DNAH14: variants seen among roughly 807,000 people sequenced by gnomAD.
DNAH14 encodes axonemal beta dynein heavy chain 14.
In DNAH14, 478 loss-of-function variants were observed where a neutral mutation model predicts 520.9. The observed-to-expected ratio is 0.92, with a 90% confidence interval of 0.85 to 0.99. DNAH14 has a LOEUF of 0.99. Among genes scored for constraint, DNAH14 ranks in the 50% least tolerant of loss-of-function variants. DNAH14 has a pLI of 0.00. For missense variants in DNAH14, 4,831 were observed against 5,234.5 expected (o/e 0.92, Z 2.38); for synonymous variants, 1,581 against 1,757.2 (o/e 0.90, Z 2.51).
At chr1:225,090,766 A>G (rs1392200784) in intron 21 of DNAH14, among the ~76,000 whole-genome samples, 3 of 152,164 alleles carry the variant, frequency 2.0e-5, no homozygotes, top group Admixed American at 1.3e-4. Context: ...ACCTAAAACT[A>G]TAAAACTTTG....
Position 225,388,476 on chromosome 1 carries a change from C to G in DNAH14, c.13175C>G (p.Thr4392Ser). ...AATACTTGGGCCAAAGTGGCTTATA[C>G]TGCAATACAGCGTCGGTATGGATAA... is the stretch of plus-strand genomic sequence containing the variant. ...FFNTWAKVAY[T>S]AIQRRYMRFV... is the part of the protein sequence containing the mutation. The change falls in exon 82 of 86, where the codon ACT becomes AGT. Residue 4392 changes from threonine to serine, a missense_variant. By Grantham distance (58) the Thr-to-Ser change is moderately conservative (BLOSUM62 1). Transcript: ENST00000682510. The G allele has an allele frequency of 6.6e-7, 1 of 1,515,666 alleles. No individual in the cohort carries two copies. Among genetic ancestry groups the G allele is most frequent in the Non-Finnish European group, 8.9e-7 (1 of 1,118,206 alleles). The allele number at this position is 1,515,666 out of a possible 1,614,324, so 93.9% of individuals were successfully genotyped here.
intron 10 of DNAH14, among the ~76,000 whole-genome samples, chr1:225,014,270 C>G (rs930672366): frequency 3.2e-4 from 49 of 152,170 alleles, no homozygotes. Context: ...TTGGCTTGCC[C>G]TCTTTGGGCT....
intron 71 of DNAH14, among the ~76,000 whole-genome samples, chr1:225,349,417 C>T (rs1476521660): frequency 6.6e-6 from 1 of 151,980 alleles, no homozygotes; most frequent in African/African-American, 2.4e-5. Flanking sequence ...ACAAGACATA[C>T]AGAAAACAAC....
chr1:225,235,467 G>T (rs981136493), intron 42 of DNAH14, among the ~76,000 whole-genome samples: 1 of 151,824 alleles, frequency 6.6e-6, no homozygotes, highest in African/African-American at 2.4e-5. Context: ...AAGGATTTTT[G>T]CCCTGATGTT....
At position 225,252,329 on chromosome 1, in the gene DNAH14, C is replaced by A. The variant is rs1178995961; in HGVS notation, c.6777C>A (p.Ser2259=). The A allele has an allele frequency of 1.3e-6, 2 of 1,549,414 alleles. No homozygotes were observed. Among genetic ancestry groups the A allele is most frequent in the East Asian group, 2.5e-5 (1 of 40,708 alleles). ...VGINLPTGEC[S]IFGYFVDIEQ... is the part of the protein sequence containing the mutation. The stretch of plus-strand genomic sequence containing the variant: ...TCAACCTACCAACTGGTGAATGTTC[C>A]ATCTTTGGATATTTTGTGGATATAG... Residue 2259 remains serine, a synonymous_variant, in exon 44 of 86, where the codon TCC becomes TCA. Coordinates refer to ENST00000682510, the MANE Select transcript of DNAH14 (RefSeq NM_001367479.1).
intron 58 of DNAH14, among the ~76,000 whole-genome samples, 170 bp from the exon 59 acceptor site, chr1:225,307,291 T>C (rs571565047): frequency 2.6e-5 from 4 of 152,350 alleles, no homozygotes; most frequent in South Asian, 4.1e-4. Context: ...TTATACCTTG[T>C]TAATATAGTG....
rs529188428 is a variant in DNAH14 at position 225,105,585 on chromosome 1, A to G, written c.3867+4701A>G. Among the ~76,000 whole-genome samples, 161 of 152,290 alleles carry G rather than the reference A, an allele frequency of 1.1e-3. 1 individual carries two copies. Among genetic ancestry groups the G allele is most frequent in the African/African-American group, 1.4e-3 (58 of 41,560 alleles). On this transcript the variant is annotated intron_variant, in intron 23 of 85. Transcript: ENST00000682510. ...CTGGGTGCTCCTGTATTGGGTGCATATATATTTAGGATAGTTAGCTCTTCT... is the reference window on the plus strand; with the variant it reads ...CTGGGTGCTCCTGTATTGGGTGCATGTATATTTAGGATAGTTAGCTCTTCT...
chr1:225,029,404 G>A (rs935742168), intron 11 of DNAH14, among the ~76,000 whole-genome samples: 1 of 151,960 alleles, frequency 6.6e-6, no homozygotes, highest in African/African-American at 2.4e-5. Flanking sequence ...GCATACCTGA[G>A]AAGCATGAAT....
At chr1:224,943,881 C>A (rs188875796) in intron 1 of DNAH14, among the ~76,000 whole-genome samples, 131 of 152,198 alleles carry the variant, frequency 8.6e-4, no homozygotes, top group African/African-American at 3.0e-3. Context: ...AATTTCTGTT[C>A]TTTTACATTT....
At position 225,085,743 on chromosome 1, in the gene DNAH14, T is replaced by C; in HGVS notation, c.3527T>C (p.Val1176Ala). ...DISAQLEESQVILATIKGSPH... is the reference protein window; with the variant it reads ...DISAQLEESQAILATIKGSPH... ...TCAGCTCAGTTAGAAGAGTCTCAAG[T>C]CATACTTGCAACAATTAAAGGATCT... The change falls in exon 21 of 86, where the codon GTC becomes GCC. Residue 1176 changes from valine to alanine, a missense_variant. By Grantham distance (64) the Val-to-Ala change is moderately conservative. Coordinates refer to ENST00000682510, the MANE Select transcript of DNAH14 (RefSeq NM_001367479.1). 2 of 1,551,344 alleles carry C rather than the reference T, an allele frequency of 1.3e-6. No homozygotes were observed. Among genetic ancestry groups the C allele is most frequent in the Non-Finnish European group, 1.7e-6 (2 of 1,146,784 alleles).
chr1:225,161,145 C>T (rs2081474774), intron 35 of DNAH14, among the ~76,000 whole-genome samples: 1 of 151,998 alleles, frequency 6.6e-6, no homozygotes, highest in African/African-American at 2.4e-5. Context: ...GCACATTAAC[C>T]ATCCCCACTT....
intron 27 of DNAH14, among the ~76,000 whole-genome samples, chr1:225,125,115 CA>C (rs2077611948): frequency 6.6e-6 from 1 of 152,174 alleles, no homozygotes; most frequent in Non-Finnish European, 1.5e-5. Flanking sequence ...GATGTGCTGT[CA>C]TCCAGGCCTT....
Position 225,333,526 on chromosome 1 carries a change from A to G in DNAH14, c.10080+20A>G. The G allele has an allele frequency of 6.5e-7, 1 of 1,536,658 alleles. No individual in the cohort carries two copies. Among genetic ancestry groups the G allele is most frequent in the Non-Finnish European group, 8.8e-7 (1 of 1,135,854 alleles). On this transcript the variant is annotated intron_variant, in intron 66 of 85. Transcript: ENST00000682510. ...TATGAGGTAATAACATATTTCTATT[A>G]TCCAGTTAAGTGGCTATTATTGTTT...
At chr1:225,335,836 T>TATACATAC (rs1553336860) in intron 66 of DNAH14, among the ~76,000 whole-genome samples, 9 of 81,256 alleles carry the variant, frequency 1.1e-4, no homozygotes, top group African/African-American at 4.4e-4. Context: ...TATGTACATA[T>TATACATAC]ATGTACATAC....
At chr1:225,216,980 CT>C (rs773641031) in intron 41 of DNAH14, among the ~76,000 whole-genome samples, 17 of 152,172 alleles carry the variant, frequency 1.1e-4, no homozygotes, top group Admixed American at 3.9e-4. Flanking sequence ...AAGAGGCGCT[CT>C]GATTTTTAGA....
chr1:224,934,056 CA>C (rs1276201723), intron 1 of DNAH14, among the ~76,000 whole-genome samples: 1 of 151,732 alleles, frequency 6.6e-6, no homozygotes, highest in Non-Finnish European at 1.5e-5. Context: ...ATGAAAGTAT[CA>C]AAAATAGGAA....
intron 49 of DNAH14, among the ~76,000 whole-genome samples, chr1:225,268,535 A>C (rs914226602): frequency 6.6e-6 from 1 of 152,222 alleles, no homozygotes; most frequent in African/African-American, 2.4e-5. Flanking sequence ...GCAGAAGTCA[A>C]ATTGTCCTTG....
At position 225,399,101 on chromosome 1, in the gene DNAH14, C is replaced by G. The variant is rs538874542; in HGVS notation, c.13686C>G (p.Leu4562=). Residue 4562 remains leucine (L), a synonymous_variant, in exon 86 of 86, where the codon CTC becomes CTG. Transcript: ENST00000682510. ...CTTCCAACCAGACAGATTCAGAACT[C>G]TATGCTTTTGAATGCCCAGTTTACC... ...PNASNQTDSE[L]YAFECPVYQT... 1.3e-5 allele frequency: 20 copies of G among 1,551,502 alleles called. No individual in the cohort carries two copies. In the South Asian group the frequency reaches 2.3e-4, roughly 18 times the overall value.
At position 225,361,029 on chromosome 1, in the gene DNAH14, C is replaced by G; in HGVS notation, c.11987+138C>G. 7.6e-6 allele frequency: 6 copies of G among 785,740 alleles called. No homozygotes were observed. In the South Asian group the frequency reaches 1.1e-4, roughly 15 times the overall value. The allele number at this position is 785,740 out of a possible 1,614,324, so 48.7% of individuals were successfully genotyped here. A position where few individuals can be genotyped will look rare whatever the true frequency, so the allele number is the denominator to read the frequency against. On this transcript the variant is annotated intron_variant, in intron 75 of 85. Transcript: ENST00000682510. ...GCCACTCAGATGAAACTTAACCTAT[C>G]TTATATTGGTTTTCTTTTCTCCAGG... is the stretch of plus-strand genomic sequence containing the variant.
Sources: allele counts gnomAD v4.1 joint callset (sites outside exome capture counted in the v4.1 genomes callset), GRCh38; gene constraint gnomAD v4.1.1; transcripts MANE v1.5; gene names NCBI Gene and HGNC (gene_info 2026-07-23, HGNC 2026-07-21).